The following BRD4 variants were observed in gnomAD, a reference collection of about 807,000 sequenced individuals.
BRD4 encodes bromodomain-containing protein 4.
Under a neutral mutation model 142.1 loss-of-function variants are expected in BRD4, and 16 were observed. The ratio of observed to expected loss-of-function variants is 0.11; its 90% CI spans 0.08 to 0.17. The LOEUF is 0.17. Ranked by LOEUF, BRD4 falls within the 10% of genes least tolerant of loss-of-function variation. BRD4 has a pLI of 1.00. For missense variants in BRD4, 1,424 were observed against 1,810.9 expected, an observed-to-expected ratio of 0.79 and a Z score of 3.88; for synonymous variants, 833 against 707.5, an observed-to-expected ratio of 1.18 and a Z score of -2.82.
chr19:15,330,112 T>C (rs1440273363), intron 1 of BRD4, among the ~76,000 whole-genome samples: 1 of 152,206 alleles, frequency 6.6e-6, no homozygotes, highest in East Asian at 1.9e-4. Context: ...TAGGCAAAGT[T>C]CCTTATCTTC....
intron 3 of BRD4, 81 bp from the exon 4 acceptor site, chr19:15,267,632 C>G: frequency 7.4e-7 from 1 of 1,342,352 alleles, no homozygotes; most frequent in Non-Finnish European, 1.0e-6. Flanking sequence ...TGCCACCCAC[C>G]CCCTGCCCCC....
intron 11 of BRD4, among the ~76,000 whole-genome samples, chr19:15,251,444 GGGGGGGGGGGGC>G (rs1490839031): frequency 8.9e-6 from 1 of 111,802 alleles, no homozygotes; most frequent in African/African-American, 3.5e-5. Flanking sequence ...AGAACGGGGG[GGGGGGGGGGGGC>G]GGGGGCGCGG....
chr19:15,240,693 G>A (rs995402260), intron 14 of BRD4, among the ~76,000 whole-genome samples: 2 of 152,238 alleles, frequency 1.3e-5, no homozygotes, highest in Admixed American at 6.5e-5. Flanking sequence ...GGATCCAGCA[G>A]CCACAGGGAC....
At chr19:15,258,586 A>G (rs114566800) in intron 7 of BRD4, among the ~76,000 whole-genome samples, 58 of 152,160 alleles carry the variant, frequency 3.8e-4, no homozygotes, top group African/African-American at 1.3e-3. Context: ...GCCTGGCCCA[A>G]TAACTTTTTT....
intron 14 of BRD4, among the ~76,000 whole-genome samples, chr19:15,242,606 G>A (rs2047246993): frequency 6.6e-6 from 1 of 152,098 alleles, no homozygotes; most frequent in East Asian, 1.9e-4. Flanking sequence ...TACCTCCCCT[G>A]GGCTCCTAGC....
chr19:15,238,111 A>C lies in BRD4; in HGVS notation c.*266T>G. Reference sequence around the variant, plus strand: ...ATGTGGGGATGCAGGGCTTGGGTCCAGCCGGCACTTGCTCGTAACAAGGCG... The same window carrying C: ...ATGTGGGGATGCAGGGCTTGGGTCCCGCCGGCACTTGCTCGTAACAAGGCG... On this transcript the variant is annotated 3_prime_UTR_variant, in exon 20 of 20. Coordinates refer to ENST00000679869, the MANE Select transcript of BRD4 (RefSeq NM_001379291.1). This position sits in a 1 kb window ranked among gnomAD's most constrained non-coding sequence, Gnocchi z 7.2. 2.0e-6 allele frequency: 1 copy of C among 502,678 alleles called. No homozygotes were observed. The highest frequency in any genetic ancestry group is 3.6e-6 in the Non-Finnish European group (1 of 280,402). The allele number at this position is 502,678 out of a possible 1,614,324, so 31.1% of individuals were successfully genotyped here.
intron 1 of BRD4, among the ~76,000 whole-genome samples, chr19:15,278,312 A>G (rs906043499): frequency 1.3e-5 from 2 of 151,784 alleles, no homozygotes; most frequent in Non-Finnish European, 1.5e-5. Flanking sequence ...AGGTAGGCAG[A>G]TCACTTGAGG....
At chr19:15,288,123 A>G (rs1004537633) in intron 1 of BRD4, among the ~76,000 whole-genome samples, 1 of 152,084 alleles carries the variant, frequency 6.6e-6, no homozygotes, top group Non-Finnish European at 1.5e-5. Context: ...CTATCTATCC[A>G]TCCATCAATG....
chr19:15,315,162 T>TC lies in BRD4; in HGVS notation c.-35+17127dup, dbSNP rs767651981. Among the ~76,000 whole-genome samples the TC allele has an allele frequency of 3.8e-4, 58 of 152,004 alleles. 1 individual carries two copies. In the Middle Eastern group the frequency reaches 0.01, roughly 27 times the overall value. On this transcript the variant is annotated intron_variant, in intron 1 of 19. Transcript: ENST00000679869. The stretch of plus-strand genomic sequence containing the variant: ...CTCTGGACTGGCTTTGTTTTTTTTT[T>TC]CCCCCCACAGGTATTCAGAGCCAAT...
chr19:15,321,474 G>C (rs999086532), intron 1 of BRD4, among the ~76,000 whole-genome samples: 8 of 151,700 alleles, frequency 5.3e-5, no homozygotes, highest in Non-Finnish European at 1.2e-4. Context: ...TTCTGCACAT[G>C]GTCAGAGATG....
Position 15,272,675 on chromosome 19 carries a change from CCACT to C in BRD4, c.285+136_285+139del, listed in dbSNP as rs2047601168. 6.9e-6 allele frequency: 5 copies of C among 724,322 alleles called. No individual in the cohort carries two copies. The East Asian group carries it at 1.4e-4, about 20-fold the overall frequency. The allele number at this position is 724,322 out of a possible 1,614,324, so 44.9% of individuals were successfully genotyped here. A position where few individuals can be genotyped will look rare whatever the true frequency, so the allele number is the denominator to read the frequency against. On this transcript the variant is annotated intron_variant, in intron 2 of 19. Transcript: ENST00000679869. The stretch of plus-strand genomic sequence containing the variant: ...TTTCAACTGATCAGAACTGCTGAAA[CCACT>C]CACTCAAGGGCCCTGCAGCTCTCAC...
chr19:15,323,737 G>T (rs775287064), intron 1 of BRD4, among the ~76,000 whole-genome samples: 30 of 152,126 alleles, frequency 2.0e-4, no homozygotes, highest in Non-Finnish European at 4.0e-4. Context: ...ACTAACAGCA[G>T]CTAGGAACAA....
chr19:15,240,207 G>A (rs1223910926), intron 14 of BRD4, among the ~76,000 whole-genome samples, 185 bp from the exon 15 acceptor site: 1 of 152,206 alleles, frequency 6.6e-6, no homozygotes, highest in Non-Finnish European at 1.5e-5. Flanking sequence ...GGCCTGGTGA[G>A]GACATGACCC....
At chr19:15,314,508 T>C (rs1235495470) in intron 1 of BRD4, among the ~76,000 whole-genome samples, 1 of 152,138 alleles carries the variant, frequency 6.6e-6, no homozygotes, top group African/African-American at 2.4e-5. Context: ...TCCGACGTCC[T>C]ATTGGGAGGA....
rs1451037350 is a variant in BRD4, at chr19:15,255,254, G to A, written c.2047+43C>T. The A allele has an allele frequency of 1.9e-6, 3 of 1,576,292 alleles. No individual in the cohort carries two copies. The Admixed American group carries it at 5.3e-5, about 28-fold the overall frequency. ...CAAGGAGGGAAAAGTTACTCTGAGG[G>A]TGCCCACAGAAGGAACCCCATGCCC... On this transcript the variant is annotated intron_variant, in intron 10 of 19. Transcript: ENST00000679869.
chr19:15,331,439 A>G (rs1302525750), intron 1 of BRD4, among the ~76,000 whole-genome samples: 1 of 152,188 alleles, frequency 6.6e-6, no homozygotes, highest in Non-Finnish European at 1.5e-5. Flanking sequence ...CAACACTGCA[A>G]ATAAAATAGG....
chr19:15,267,859 G>C (rs1207199659), intron 3 of BRD4, among the ~76,000 whole-genome samples: 1 of 152,128 alleles, frequency 6.6e-6, no homozygotes, highest in African/African-American at 2.4e-5. Flanking sequence ...CACTGAAAGG[G>C]GCCCTCCTTT....
chr19:15,258,117 T>G (rs2047432449), intron 7 of BRD4, among the ~76,000 whole-genome samples: 2 of 152,230 alleles, frequency 1.3e-5, no homozygotes, highest in African/African-American at 2.4e-5. Flanking sequence ...AGGAATAAAC[T>G]GATCATCGTG....
In BRD4 at chr19:15,238,986, C is replaced by A. The variant is rs2047216299; in HGVS notation, c.3783-6G>T. On this transcript the variant is annotated splice_polypyrimidine_tract_variant and splice_region_variant and intron_variant, in intron 18 of 19. Transcript: ENST00000679869. The surrounding 1 kb of genome is among the most constrained non-coding windows in gnomAD (Gnocchi z 7.2). ...CATCCTCGTCCTCTCGGCTCCTGGG[C>A]AGAGGGTCCCAGTCAGCCTGGGGAC... The A allele has an allele frequency of 1.3e-6, 2 of 1,580,340 alleles. No individual in the cohort carries two copies. Among genetic ancestry groups the A allele is most frequent in the East Asian group, 4.5e-5 (2 of 44,292 alleles).
Sources: gnomAD v4.1 joint callset for allele counts (sites outside exome capture counted in the v4.1 genomes callset) on GRCh38, gnomAD v4.1.1 for gene constraint, Gnocchi (gnomAD v3.1) non-coding constraint, MANE v1.5 for transcripts, NCBI Gene and HGNC (gene_info 2026-07-23, HGNC 2026-07-21) for gene names.